Variants in RYR2 observed in about 807,000 individuals in gnomAD.
RYR2 encodes the protein cardiac muscle ryanodine receptor-calcium release channel.
Under a neutral mutation model 601.1 loss-of-function variants are expected in RYR2, and 227 were observed. That is an observed-to-expected ratio of 0.38 (90% CI 0.34 to 0.42). RYR2 has a LOEUF of 0.42. RYR2 is among the 10% of genes least tolerant of loss of function. The probability of loss-of-function intolerance (pLI) is 1.00; values close to 1 mark genes in which losing one functional copy is unlikely to be tolerated. For synonymous variants in RYR2, 2,223 were observed against 2,175.1 expected, an observed-to-expected ratio of 1.02 and a Z score of -0.61; for missense variants, 4,646 against 6,156.5, an observed-to-expected ratio of 0.75 and a Z score of 8.21.
chr1:237,813,707 T>TA (rs1661489912), intron 100 of RYR2, among the ~76,000 whole-genome samples: 1 of 152,214 alleles, frequency 6.6e-6, no homozygotes, highest in Non-Finnish European at 1.5e-5. Flanking sequence ...GGTGAGGAAA[T>TA]ACGGCCTGTT....
intron 28 of RYR2, 30 bp downstream of exon 28, chr1:237,566,805 C>G: frequency 6.2e-7 from 1 of 1,610,506 alleles, no homozygotes; most frequent in Non-Finnish European, 8.5e-7. Context: ...TGCCAGTCAT[C>G]TGTACGTGCT....
intron 1 of RYR2, among the ~76,000 whole-genome samples, chr1:237,117,402 C>G (rs781748470): frequency 3.9e-5 from 6 of 151,916 alleles, no homozygotes; most frequent in Non-Finnish European, 7.4e-5. Flanking sequence ...ATGTTGTATA[C>G]CATATAAATA....
chr1:237,189,999 A>G (rs1679796235), intron 1 of RYR2, among the ~76,000 whole-genome samples: 2 of 151,766 alleles, frequency 1.3e-5, no homozygotes, highest in African/African-American at 4.8e-5. Context: ...CAGCCTCCCA[A>G]GTAGCTGAGA....
chr1:237,580,469 TAAAA>T (rs34856679), intron 29 of RYR2, among the ~76,000 whole-genome samples: 44,957 of 149,242 alleles, frequency 0.3, 7,163 homozygotes, highest in East Asian at 0.61. Flanking sequence ...AACAATGCTT[TAAAA>T]AAAAAAAAAA....
chr1:237,308,803 C>T (rs958072549), intron 2 of RYR2, among the ~76,000 whole-genome samples: 27 of 152,214 alleles, frequency 1.8e-4, no homozygotes, highest in African/African-American at 2.4e-4. Context: ...GTTGCCTCTG[C>T]TGGCTTGGGC....
intron 1 of RYR2, among the ~76,000 whole-genome samples, chr1:237,167,708 CT>C (rs11288225): frequency 0.33 from 33,529 of 100,828 alleles, 4,913 homozygotes; most frequent in African/African-American, 0.39. Context: ...GATCCACCTC[CT>C]TTTTTTTTTT....
At chr1:237,051,150 TCTTTCC>T (rs2148140698) in intron 1 of RYR2, among the ~76,000 whole-genome samples, 1 of 151,532 alleles carries the variant, frequency 6.6e-6, no homozygotes, top group African/African-American at 2.4e-5. Context: ...TTTCCCTTTG[TCTTTCC>T]CTTTCCCTCC....
intron 27 of RYR2, among the ~76,000 whole-genome samples, chr1:237,560,198 T>A (rs1671308600): frequency 6.6e-6 from 1 of 152,260 alleles, no homozygotes; most frequent in Non-Finnish European, 1.5e-5. Context: ...TTGGAGCTTC[T>A]CACATCCCAC....
intron 16 of RYR2, among the ~76,000 whole-genome samples, chr1:237,465,848 A>G (rs1178772600): frequency 6.6e-6 from 1 of 152,226 alleles, no homozygotes; most frequent in South Asian, 2.1e-4. Context: ...GTACATAAGC[A>G]TAGAAAAGGT....
At chr1:237,192,403 C>T (rs553248274) in intron 1 of RYR2, among the ~76,000 whole-genome samples, 5 of 151,940 alleles carry the variant, frequency 3.3e-5, no homozygotes, top group Admixed American at 2.0e-4. Flanking sequence ...TTAGTATAGA[C>T]GGGGTTTCAC....
intron 3 of RYR2, among the ~76,000 whole-genome samples, chr1:237,346,656 G>A (rs1698338769): frequency 6.6e-6 from 1 of 152,252 alleles, no homozygotes; most frequent in African/African-American, 2.4e-5. Context: ...AACTGGGAGA[G>A]TTCTGCCTAA....
At chr1:237,710,651 T>C (rs1688752216) in intron 70 of RYR2, among the ~76,000 whole-genome samples, 1 of 151,532 alleles carries the variant, frequency 6.6e-6, no homozygotes, top group African/African-American at 2.4e-5. Context: ...CAAGGTATTC[T>C]GAAGGAAAAT....
At chr1:237,536,844 C>T (rs1191731011) in intron 25 of RYR2, among the ~76,000 whole-genome samples, 2 of 151,786 alleles carry the variant, frequency 1.3e-5, no homozygotes, top group South Asian at 4.2e-4. Flanking sequence ...CGAGATCGCG[C>T]CACTGCACTC....
chr1:237,354,826 G>A (rs1030731613), intron 3 of RYR2, among the ~76,000 whole-genome samples: 3 of 152,108 alleles, frequency 2.0e-5, no homozygotes, highest in African/African-American at 7.2e-5. Flanking sequence ...AGTAAGTTTA[G>A]AACAGATTTT....
intron 1 of RYR2, among the ~76,000 whole-genome samples, chr1:237,236,708 T>C (rs1309496697): frequency 6.6e-6 from 1 of 152,126 alleles, no homozygotes; most frequent in African/African-American, 2.4e-5. Flanking sequence ...GAACTTAGAT[T>C]GAGTGTAAGC....
Position 237,760,021 on chromosome 1 carries a change from G to T in RYR2, c.11402+169G>T, listed in dbSNP as rs115623430. ...GTTTTCTATCTTGTTTTAAGGGGTT[G>T]GTAATATCATAATTAATAACTTACA... On this transcript the variant is annotated intron_variant, in intron 83 of 104. Coordinates refer to ENST00000366574, the MANE Select transcript of RYR2 (RefSeq NM_001035.3). 5.3e-3 allele frequency among the ~76,000 whole-genome samples: 802 copies of T among 151,930 alleles called. 5 individuals are homozygous for T. The highest frequency in any genetic ancestry group is 0.018 in the African/African-American group (743 of 41,424).
At chr1:237,698,877 C>A (rs561863710) in intron 63 of RYR2, 88 bp from the exon 64 acceptor site, 59 of 679,032 alleles carry the variant, frequency 8.7e-5, no homozygotes, top group Middle Eastern at 5.0e-4. Context: ...GTGTCATTGA[C>A]TAATTTTTCT....
intron 2 of RYR2, among the ~76,000 whole-genome samples, chr1:237,312,645 G>C (rs1419427447): frequency 6.6e-6 from 1 of 152,152 alleles, no homozygotes; most frequent in Non-Finnish European, 1.5e-5. Flanking sequence ...AACACATCAT[G>C]TATAAAATCT....
Position 237,614,579 on chromosome 1 carries a change from C to T in RYR2, c.5451C>T (p.Leu1817=). 3.7e-6 allele frequency: 6 copies of T among 1,614,030 alleles called. No homozygotes were observed. Among genetic ancestry groups the T allele is most frequent in the Non-Finnish European group, 4.2e-6 (5 of 1,179,906 alleles). The change falls in exon 37 of 105, where the codon CTC becomes CTT. Residue 1817 remains leucine (L), a synonymous_variant. Transcript: ENST00000366574. The surrounding 1 kb of genome is among the most constrained non-coding windows in gnomAD (Gnocchi z 4.3). ...CAGTTGGAGGGACTACTGAATTCCT[C>T]TTTGTACCTCTCATCAAGCTTTTCT... is the stretch of plus-strand genomic sequence containing the variant. ...RDPVGGTTEF[L]FVPLIKLFYT... is the part of the protein sequence containing the mutation.
Sources: gnomAD v4.1 joint callset for allele counts (sites outside exome capture counted in the v4.1 genomes callset) on GRCh38, gnomAD v4.1.1 for gene constraint, Gnocchi (gnomAD v3.1) non-coding constraint, MANE v1.5 for transcripts, NCBI Gene and HGNC (gene_info 2026-07-23, HGNC 2026-07-21) for gene names.